The following RUFY3 variants were observed in gnomAD, a reference collection of about 807,000 sequenced individuals.
The protein encoded by RUFY3 is protein RUFY3.
Under a neutral mutation model 84.0 loss-of-function variants are expected in RUFY3, and 34 were observed. The ratio of observed to expected loss-of-function variants is 0.40; its 90% CI spans 0.31 to 0.54. The LOEUF (loss-of-function observed/expected upper bound fraction) is 0.54. Among genes scored for constraint, RUFY3 ranks in the 20% least tolerant of loss-of-function variants. The pLI is 0.39. For missense variants in RUFY3, 507 were observed against 736.8 expected (o/e 0.69, Z 3.61); for synonymous variants, 242 against 252.9 (o/e 0.96, Z 0.41).
chr4:70,723,498 G>C (rs909308691), intron 1 of RUFY3, among the ~76,000 whole-genome samples: 2 of 151,640 alleles, frequency 1.3e-5, no homozygotes, highest in African/African-American at 2.4e-5. Context: ...CAGTACCTCT[G>C]AGATCTTTGT....
At chr4:70,739,691 G>A (rs937505869) in intron 1 of RUFY3, among the ~76,000 whole-genome samples, 7 of 152,022 alleles carry the variant, frequency 4.6e-5, no homozygotes, top group African/African-American at 1.5e-4. Flanking sequence ...CAAAGGCGAA[G>A]CATTTTTTAG....
intron 1 of RUFY3, among the ~76,000 whole-genome samples, chr4:70,737,676 C>CTTT (rs57075760): frequency 0.052 from 7,003 of 134,344 alleles, 546 homozygotes; most frequent in African/African-American, 0.16. Flanking sequence ...ATTAATTCCT[C>CTTT]TTTTTTTTTT....
chr4:70,719,898 C>A (rs1742066703), upstream of RUFY3, among the ~76,000 whole-genome samples: 1 of 152,112 alleles, frequency 6.6e-6, no homozygotes, highest in Non-Finnish European at 1.5e-5. Flanking sequence ...TAGTGAATAT[C>A]TGTTGAATGA....
intron 4 of RUFY3, among the ~76,000 whole-genome samples, chr4:70,764,821 A>G (rs1229079939): frequency 1.3e-5 from 2 of 152,138 alleles, no homozygotes; most frequent in African/African-American, 2.4e-5. Context: ...CCTCTAGAAA[A>G]CAGAAGGCAC....
chr4:70,791,959 A>G, intron 12 of RUFY3: 2 of 984,270 alleles, frequency 2.0e-6, no homozygotes, highest in Non-Finnish European at 2.4e-6. Flanking sequence ...TTTAAAATAC[A>G]TAGAAATAAA....
chr4:70,805,348 A>G (rs1732730577), intron 17 of RUFY3, among the ~76,000 whole-genome samples: 1 of 152,232 alleles, frequency 6.6e-6, no homozygotes, highest in African/African-American at 2.4e-5. Context: ...TTAAGGAAGT[A>G]TTCAGAAAGA....
intron 17 of RUFY3, among the ~76,000 whole-genome samples, chr4:70,805,059 A>C (rs947500336): frequency 4.6e-5 from 7 of 152,242 alleles, no homozygotes; most frequent in Admixed American, 6.5e-5. Flanking sequence ...AAGTAGACCA[A>C]GTCTCTGTTC....
chr4:70,706,047 G>A (rs962526954), intron 1 of RUFY3, among the ~76,000 whole-genome samples: 1 of 152,148 alleles, frequency 6.6e-6, no homozygotes, highest in Admixed American at 6.5e-5. Context: ...CCCACACTCC[G>A]TGCTGTATTT....
chr4:70,763,791 T>C, intron 3 of RUFY3, 122 bp downstream of exon 3: 1 of 1,208,810 alleles, frequency 8.3e-7, no homozygotes. Flanking sequence ...AAATGCATGA[T>C]GTCATGAATA....
chr4:70,718,344 G>A (rs948993692), upstream of RUFY3, among the ~76,000 whole-genome samples: 1 of 152,196 alleles, frequency 6.6e-6, no homozygotes, highest in Admixed American at 6.5e-5. Flanking sequence ...TAAGAGGAAT[G>A]TAACTTCTGA....
intron 1 of RUFY3, among the ~76,000 whole-genome samples, chr4:70,709,437 A>G (rs926276838): frequency 2.6e-5 from 4 of 152,104 alleles, no homozygotes; most frequent in Admixed American, 2.6e-4. Context: ...CCGGTTCCTT[A>G]TTGGAGGATG....
Position 70,782,449 on chromosome 4 carries a change from T to C in RUFY3, c.895-642T>C, listed in dbSNP as rs369273472. 3.9e-5 allele frequency among the ~76,000 whole-genome samples: 6 copies of C among 151,900 alleles called. No individual in the cohort carries two copies. The East Asian group carries it at 7.9e-4, about 20-fold the overall frequency. On this transcript the variant is annotated intron_variant, in intron 8 of 17. Coordinates refer to ENST00000381006, the MANE Select transcript of RUFY3 (RefSeq NM_001037442.4). ...ACAGGCACACACCACTACGCCCAGC[T>C]AATTTTTGTATTTTTAGTAGAGATG...
intron 1 of RUFY3, among the ~76,000 whole-genome samples, chr4:70,760,222 T>G (rs1297665263): frequency 6.6e-6 from 1 of 152,196 alleles, no homozygotes; most frequent in African/African-American, 2.4e-5. Context: ...AAGAACAAGA[T>G]GAGAAAATGT....
chr4:70,780,866 G>A (rs55968026), intron 8 of RUFY3, among the ~76,000 whole-genome samples: 10,392 of 152,106 alleles, frequency 0.068, 549 homozygotes, highest in East Asian at 0.2. Flanking sequence ...TATTTTACCA[G>A]TAGCACTTAT....
At chr4:70,755,523 G>A (rs112788118) in intron 1 of RUFY3, among the ~76,000 whole-genome samples, 1,609 of 152,266 alleles carry the variant, frequency 0.011, 9 homozygotes, top group Non-Finnish European at 0.017. Flanking sequence ...GTCACTGTTA[G>A]CTATATGACT....
chr4:70,739,619 A>G (rs1161589112), intron 1 of RUFY3, among the ~76,000 whole-genome samples: 1 of 152,130 alleles, frequency 6.6e-6, no homozygotes, highest in Admixed American at 6.6e-5. Context: ...TTGGTTGCCT[A>G]TAGCAATACT....
chr4:70,741,496 A>T (rs1013213931), intron 1 of RUFY3: 16 of 628,750 alleles, frequency 2.5e-5, no homozygotes, highest in Admixed American at 3.6e-5. Flanking sequence ...AATCGCTGTG[A>T]TAAGTAGAAA....
intron 1 of RUFY3, among the ~76,000 whole-genome samples, chr4:70,743,043 G>A (rs1468401876): frequency 1.3e-5 from 2 of 152,056 alleles, no homozygotes; most frequent in African/African-American, 2.4e-5. Flanking sequence ...TTACTATTGT[G>A]TTAGCTGCTA....
At chr4:70,793,974 G>T in intron 13 of RUFY3, 70 bp downstream of exon 13, 1 of 1,547,492 alleles carries the variant, frequency 6.5e-7, no homozygotes, top group Non-Finnish European at 8.8e-7. Flanking sequence ...CAAGAAAAGG[G>T]GTCTCATGAC....
Sources: gnomAD v4.1 joint callset for allele counts (sites outside exome capture counted in the v4.1 genomes callset) on GRCh38, gnomAD v4.1.1 for gene constraint, MANE v1.5 for transcripts, NCBI Gene and HGNC (gene_info 2026-07-23, HGNC 2026-07-21) for gene names.